The following DNAH6 variants were observed in gnomAD, a reference collection of about 807,000 sequenced individuals.
The protein encoded by DNAH6 is axonemal beta dynein heavy chain 6.
A neutral mutation model predicts 491.4 loss-of-function variants in DNAH6; 340 were observed. The ratio of observed to expected loss-of-function variants is 0.69; its 90% CI spans 0.63 to 0.76. The LOEUF is 0.76. Ranked by LOEUF, DNAH6 falls within the 30% of genes least tolerant of loss-of-function variation. The pLI, the probability that DNAH6 is intolerant of heterozygous loss-of-function variation, is 0.00. For synonymous variants in DNAH6, 1,603 were observed against 1,686.1 expected, an observed-to-expected ratio of 0.95 and a Z score of 1.21; for missense variants, 4,443 against 4,972.2, an observed-to-expected ratio of 0.89 and a Z score of 3.20.
chr2:84,710,505 C>T, intron 56 of DNAH6, 93 bp downstream of exon 56: 2 of 1,235,870 alleles, frequency 1.6e-6, no homozygotes, highest in Middle Eastern at 2.7e-4. Context: ...ATGCTAAAGA[C>T]ACCAGTCAAC....
intron 6 of DNAH6, 41 bp downstream of exon 6, chr2:84,547,443 ATTT>A: frequency 6.4e-7 from 1 of 1,551,194 alleles, no homozygotes. Flanking sequence ...TTTTTTCCCT[ATTT>A]TTGATACTTC....
At chr2:84,620,129 G>T (rs1048618716) in intron 24 of DNAH6, among the ~76,000 whole-genome samples, 3 of 152,070 alleles carry the variant, frequency 2.0e-5, no homozygotes, top group African/African-American at 7.2e-5. Flanking sequence ...TCTGTTGCCG[G>T]AAATAGAGTG....
At chr2:84,518,297 G>A (rs1675785202) in intron 2 of DNAH6, among the ~76,000 whole-genome samples, 1 of 152,132 alleles carries the variant, frequency 6.6e-6, no homozygotes, top group African/African-American at 2.4e-5. Context: ...GTCCTCTCTA[G>A]GATTATGTAC....
At chr2:84,759,480 G>T (rs770109789) in intron 63 of DNAH6, among the ~76,000 whole-genome samples, 1 of 152,000 alleles carries the variant, frequency 6.6e-6, no homozygotes, top group Non-Finnish European at 1.5e-5. Flanking sequence ...CTGCACTCCA[G>T]CCTGGGCGAC....
intron 18 of DNAH6, among the ~76,000 whole-genome samples, chr2:84,600,140 C>T (rs749212202): frequency 6.6e-6 from 1 of 152,110 alleles, no homozygotes; most frequent in Non-Finnish European, 1.5e-5. Context: ...GTTAGGGACT[C>T]AGAGAGGAGT....
rs1044964164 is a variant in DNAH6, at chr2:84,544,561, A to G, written c.930+61A>G. On this transcript the variant is annotated intron_variant, in intron 5 of 76. Transcript: ENST00000389394. ...TTACAAAAAAAGAAAGTGTGAATCT[A>G]TTAAGCTGTTGGTATAGACTGTTCT... 1.1e-5 allele frequency: 11 copies of G among 991,334 alleles called. No individual in the cohort carries two copies. The Admixed American group carries it at 1.9e-4, about 17-fold the overall frequency. 61.4% of individuals were successfully genotyped at this position (991,334 alleles called of 1,614,324 possible).
chr2:84,482,269 T>C, the DNAH6 span, among the ~76,000 whole-genome samples: 2 of 152,176 alleles, frequency 1.3e-5, no homozygotes, highest in Non-Finnish European at 2.9e-5. Context: ...ACAAAAAAAG[T>C]ATATTGCACA....
chr2:84,655,365 T>G (rs1393009758), intron 35 of DNAH6, among the ~76,000 whole-genome samples: 4 of 152,156 alleles, frequency 2.6e-5, no homozygotes, highest in Non-Finnish European at 5.9e-5. Context: ...CTCAGTTTCA[T>G]ACTACTTTCT....
chr2:84,730,478 C>T (rs1435574124), intron 61 of DNAH6, among the ~76,000 whole-genome samples: 5 of 152,046 alleles, frequency 3.3e-5, no homozygotes, highest in Admixed American at 3.3e-4. Context: ...TTTGGCTTCC[C>T]TGGGCCACAT....
chr2:84,810,464 C>A (rs115706855), intron 72 of DNAH6, among the ~76,000 whole-genome samples: 3,681 of 152,308 alleles, frequency 0.024, 75 homozygotes, highest in South Asian at 0.06. Flanking sequence ...GGACAGGTGA[C>A]CTGCAGGGCC....
At chr2:84,473,654 A>G in the DNAH6 span, among the ~76,000 whole-genome samples, 1 of 152,228 alleles carries the variant, frequency 6.6e-6, no homozygotes, top group Admixed American at 6.5e-5. Context: ...GATGAATCCA[A>G]TTAATGTCTC....
At chr2:84,514,055 A>G (rs1028278090), upstream of DNAH6, among the ~76,000 whole-genome samples, 1 of 152,048 alleles carries the variant, frequency 6.6e-6, no homozygotes, top group Non-Finnish European at 1.5e-5. Context: ...CTAGTCTTCC[A>G]TTTCTCCTCA....
intron 42 of DNAH6, among the ~76,000 whole-genome samples, chr2:84,683,939 G>T (rs562514365): frequency 6.6e-6 from 1 of 152,098 alleles, no homozygotes; most frequent in Non-Finnish European, 1.5e-5. Flanking sequence ...GCTGGCCCAT[G>T]GCAGGAGCTT....
chr2:84,632,309 C>T (rs60744697), intron 29 of DNAH6, among the ~76,000 whole-genome samples: 2,170 of 152,222 alleles, frequency 0.014, 54 homozygotes, highest in African/African-American at 0.05. Flanking sequence ...CTGTGGCACG[C>T]GTTCACCAAG....
chr2:84,804,205 C>CA (rs5832625), intron 70 of DNAH6, among the ~76,000 whole-genome samples: 7 of 66,452 alleles, frequency 1.1e-4, no homozygotes, highest in Admixed American at 4.5e-4. Context: ...GACTCCATCT[C>CA]AAAAAAAAAA....
chr2:84,781,418 G>A (rs1325576761), intron 64 of DNAH6, 75 bp from the exon 65 acceptor site: 1 of 1,260,400 alleles, frequency 7.9e-7, no homozygotes, highest in African/African-American at 1.5e-5. Context: ...AGAGTCTACT[G>A]TATTTATATT....
At chr2:84,807,070 A>T (rs1047621659) in intron 71 of DNAH6, among the ~76,000 whole-genome samples, 1 of 152,208 alleles carries the variant, frequency 6.6e-6, no homozygotes, top group Non-Finnish European at 1.5e-5. Flanking sequence ...TAAAGCTTGT[A>T]CTTTTACTGT....
At chr2:84,748,241 A>G (rs1018984526) in intron 63 of DNAH6, among the ~76,000 whole-genome samples, 7 of 152,180 alleles carry the variant, frequency 4.6e-5, no homozygotes, top group Non-Finnish European at 1.0e-4. Flanking sequence ...CCACATAAGC[A>G]CGCTACAAAT....
intron 33 of DNAH6, among the ~76,000 whole-genome samples, chr2:84,645,401 A>G (rs1689798420): frequency 6.6e-6 from 1 of 152,170 alleles, no homozygotes; most frequent in African/African-American, 2.4e-5. Flanking sequence ...CCTGGACAAC[A>G]AAAGTGAAAC....
Sources: gnomAD v4.1 joint callset for allele counts (sites outside exome capture counted in the v4.1 genomes callset) on GRCh38, gnomAD v4.1.1 for gene constraint, MANE v1.5 for transcripts, NCBI Gene and HGNC (gene_info 2026-07-23, HGNC 2026-07-21) for gene names.